CRACDL: variants seen among roughly 807,000 people sequenced by gnomAD.
The protein encoded by CRACDL is CRACD like.
CRACDL carries 26 observed loss-of-function variants against 70.6 expected under a neutral mutation model. The observed-to-expected ratio is 0.37, with a 90% confidence interval of 0.27 to 0.51. CRACDL has a LOEUF of 0.51. Ranked by LOEUF, CRACDL falls within the 20% of genes least tolerant of loss-of-function variation. CRACDL has a pLI of 0.94. For missense variants in CRACDL, 1,283 were observed against 1,376.9 expected, an observed-to-expected ratio of 0.93 and a Z score of 1.08; for synonymous variants, 618 against 615.2, an observed-to-expected ratio of 1.00 and a Z score of -0.07.
chr2:98,856,467 GTTC>G (rs139823572), intron 1 of CRACDL, among the ~76,000 whole-genome samples: 4,333 of 152,160 alleles, frequency 0.028, 145 homozygotes, highest in South Asian at 0.16. Flanking sequence ...ATTAAAGGAA[GTTC>G]TTCTGGCCAA....
chr2:98,812,274 T>A (rs1266816142), intron 7 of CRACDL, among the ~76,000 whole-genome samples: 1 of 152,162 alleles, frequency 6.6e-6, no homozygotes, highest in Non-Finnish European at 1.5e-5. Context: ...CGCACCTGGC[T>A]GGTTTTTGGT....
intron 9 of CRACDL, among the ~76,000 whole-genome samples, chr2:98,795,794 A>C (rs1022293724): frequency 1.8e-4 from 27 of 152,332 alleles, no homozygotes; most frequent in African/African-American, 6.3e-4. Context: ...ACATAAAAAA[A>C]GACGGCCCTC....
rs981160195 is a variant in CRACDL, at chr2:98,837,466, A to G, written c.239+653T>C. Among the ~76,000 whole-genome samples, 21 of 152,032 alleles carry G rather than the reference A, an allele frequency of 1.4e-4. 1 individual carries two copies. The highest frequency in any genetic ancestry group is 5.1e-4 in the African/African-American group (21 of 41,378). On this transcript the variant is annotated intron_variant, in intron 3 of 9. Coordinates refer to ENST00000397899, the MANE Select transcript of CRACDL (RefSeq NM_207362.3). ...GGCCAGCGTTGTCTTAAAAAAAAAA[A>G]GGTAAAAGCTAGCATAGCAACAAAT...
chr2:98,882,998 C>G (rs1573138823), intron 1 of CRACDL, among the ~76,000 whole-genome samples: 1 of 152,222 alleles, frequency 6.6e-6, no homozygotes, highest in East Asian at 1.9e-4. Context: ...GGCCCATCCC[C>G]TGCACGTGCC....
intron 1 of CRACDL, among the ~76,000 whole-genome samples, chr2:98,881,723 A>T (rs988690418): frequency 1.3e-5 from 2 of 152,212 alleles, no homozygotes; most frequent in African/African-American, 4.8e-5. Flanking sequence ...TGCACCATCC[A>T]GGCGATGGAA....
chr2:98,860,639 A>T (rs764212996), intron 1 of CRACDL, among the ~76,000 whole-genome samples: 1 of 152,214 alleles, frequency 6.6e-6, no homozygotes, highest in African/African-American at 2.4e-5. Context: ...TGGCTCATAG[A>T]TCTAAATTGT....
At chr2:98,859,377 A>C (rs940380082) in intron 1 of CRACDL, among the ~76,000 whole-genome samples, 2 of 152,214 alleles carry the variant, frequency 1.3e-5, no homozygotes, top group African/African-American at 4.8e-5. Context: ...ACTTTAATGG[A>C]GGTATAAAAA....
intron 7 of CRACDL, among the ~76,000 whole-genome samples, chr2:98,812,999 T>G (rs954327662): frequency 9.9e-5 from 15 of 152,246 alleles, no homozygotes; most frequent in African/African-American, 3.6e-4. Context: ...CATTTTACAT[T>G]TAAGTCCATG....
rs1157323305 is a variant in CRACDL at position 98,838,300 on chromosome 2, G to T, written c.71-13C>A. The stretch of plus-strand genomic sequence containing the variant: ...GATTTTTTCTTTCCTATACAGATTA[G>T]AGAAAAAAATAATAAATAAGACTGT... On this transcript the variant is annotated splice_polypyrimidine_tract_variant and intron_variant, in intron 2 of 9. Coordinates refer to ENST00000397899, the MANE Select transcript of CRACDL (RefSeq NM_207362.3). 3 of 1,474,950 alleles carry T rather than the reference G, an allele frequency of 2.0e-6. No homozygotes were observed. Among genetic ancestry groups the T allele is most frequent in the South Asian group, 2.4e-5 (2 of 82,842 alleles). The allele number at this position is 1,474,950 out of a possible 1,614,324, so 91.4% of individuals were successfully genotyped here.
chr2:98,869,736 G>A (rs1315262249), intron 1 of CRACDL, among the ~76,000 whole-genome samples: 2 of 152,184 alleles, frequency 1.3e-5, no homozygotes, highest in East Asian at 3.9e-4. Context: ...GGGACCCTGT[G>A]GGAGGCACGC....
At chr2:98,799,633 C>G (rs1474662736) in intron 7 of CRACDL, among the ~76,000 whole-genome samples, 2 of 152,194 alleles carry the variant, frequency 1.3e-5, no homozygotes, top group Non-Finnish European at 2.9e-5. Flanking sequence ...CTCCCCGGAG[C>G]CTCATTGTCC....
intron 1 of CRACDL, among the ~76,000 whole-genome samples, chr2:98,911,885 A>G (rs1708555202): frequency 6.6e-6 from 1 of 152,216 alleles, no homozygotes; most frequent in Non-Finnish European, 1.5e-5. Context: ...GAAACCCACA[A>G]AGGTAACATG....
chr2:98,860,344 T>C (rs1392172306), intron 1 of CRACDL, among the ~76,000 whole-genome samples: 3 of 152,300 alleles, frequency 2.0e-5, no homozygotes, highest in African/African-American at 7.2e-5. Context: ...GTCAAAATAA[T>C]CTTGAAAAAT....
chr2:98,904,653 T>A (rs1348626575), intron 1 of CRACDL, among the ~76,000 whole-genome samples: 1 of 152,258 alleles, frequency 6.6e-6, no homozygotes, highest in Non-Finnish European at 1.5e-5. Context: ...TTAATTTATT[T>A]CGTTTCATTC....
chr2:98,799,951 C>G (rs1487022807), intron 7 of CRACDL, among the ~76,000 whole-genome samples: 1 of 152,218 alleles, frequency 6.6e-6, no homozygotes, highest in Non-Finnish European at 1.5e-5. Context: ...TCCTGACCCT[C>G]AGCCGTCATC....
chr2:98,856,561 GAC>G (rs1706704135), intron 1 of CRACDL, among the ~76,000 whole-genome samples: 2 of 152,230 alleles, frequency 1.3e-5, no homozygotes, highest in Admixed American at 1.3e-4. Flanking sequence ...AATTATAAAA[GAC>G]AGTGTAATTG....
rs565206628 is a variant in CRACDL at position 98,894,603 on chromosome 2, GGCAAGAAAC to G, written c.-11+41326_-11+41334del. On this transcript the variant is annotated intron_variant, in intron 1 of 9. Transcript: ENST00000397899. ...TTTATATATACGCAATGAGAAAACAGGCAAGAAACGGTGTGGGGAAAGAAGCTCTGAGAA... is the reference window on the plus strand; with the variant it reads ...TTTATATATACGCAATGAGAAAACAGGGTGTGGGGAAAGAAGCTCTGAGAA... Among the ~76,000 whole-genome samples the G allele has an allele frequency of 3.2e-4, 48 of 152,270 alleles. No homozygotes were observed. The East Asian group carries it at 6.6e-3, about 21-fold the overall frequency.
intron 1 of CRACDL, among the ~76,000 whole-genome samples, chr2:98,879,485 A>G (rs1368002993): frequency 1.3e-5 from 2 of 152,182 alleles, no homozygotes; most frequent in South Asian, 4.1e-4. Context: ...ACAATATGGA[A>G]ATGCATTTGG....
At chr2:98,825,403 A>C (rs113373539) in intron 6 of CRACDL, among the ~76,000 whole-genome samples, 3,262 of 152,318 alleles carry the variant, frequency 0.021, 125 homozygotes, top group African/African-American at 0.074. Context: ...TCAAGAACTA[A>C]GTCAAGTTCA....
Sources: gnomAD v4.1 joint callset for allele counts (sites outside exome capture counted in the v4.1 genomes callset) on GRCh38, gnomAD v4.1.1 for gene constraint, MANE v1.5 for transcripts, NCBI Gene and HGNC (gene_info 2026-07-23, HGNC 2026-07-21) for gene names.